Variants in PARS2 observed in about 807,000 individuals in gnomAD.
The protein encoded by PARS2 is prolyl-tRNA synthetase 2, mitochondrial.
PARS2 carries 20 observed loss-of-function variants against 27.4 expected under a neutral mutation model. The ratio of observed to expected loss-of-function variants is 0.73; its 90% CI spans 0.51 to 1.06. The LOEUF is 1.06. Among genes scored for constraint, PARS2 ranks in the 50% least tolerant of loss-of-function variants. PARS2 has a pLI of 0.00. For missense variants in PARS2, 585 were observed against 602.1 expected (o/e 0.97, Z 0.30); for synonymous variants, 240 against 247.1 (o/e 0.97, Z 0.27).
In PARS2 at chr1:54,758,153, T is replaced by C; in HGVS notation, c.1009A>G (p.Met337Val). The change falls in exon 2 of 2, where the codon ATG (methionine) becomes GTG (valine). Residue 337 changes from methionine to valine, a missense_variant. Met to Val is a conservative substitution (Grantham distance 21). Coordinates refer to ENST00000371279, the MANE Select transcript of PARS2 (RefSeq NM_152268.4). ...GTCACACCCAAGCCATAGCACCCCA[T>C]TTCAGCCAGGGTTGGTTTGCCACAG... ...NVCGKPTLAE[M>V]GCYGLGVTRI... The C allele has an allele frequency of 2.5e-6, 4 of 1,614,208 alleles. No homozygotes were observed. Among genetic ancestry groups the C allele is most frequent in the Non-Finnish European group, 3.4e-6 (4 of 1,180,030 alleles).
chr1:54,760,608 G>GA (rs1404143019), intron 1 of PARS2, among the ~76,000 whole-genome samples: 1 of 152,134 alleles, frequency 6.6e-6, no homozygotes, highest in Non-Finnish European at 1.5e-5. Flanking sequence ...AGCCACAGGG[G>GA]AGACTTCCCA....
At position 54,757,078 on chromosome 1, in the gene PARS2, C is replaced by T. The variant is rs1646123675; in HGVS notation, c.*656G>A. 6.6e-6 allele frequency: 1 copy of T among 152,088 alleles called. No individual in the cohort carries two copies. Among genetic ancestry groups the T allele is most frequent in the Non-Finnish European group, 1.5e-5 (1 of 68,032 alleles). 9.4% of individuals were successfully genotyped at this position (152,088 alleles called of 1,614,324 possible). Reference sequence around the variant, plus strand: ...CCTGTCACACACCTCTCATGGAACCCCCTAGTGACACCTATAAGGACGTTA... The same window carrying T: ...CCTGTCACACACCTCTCATGGAACCTCCTAGTGACACCTATAAGGACGTTA... On this transcript the variant is annotated 3_prime_UTR_variant, in exon 2 of 2. Transcript: ENST00000371279.
rs771021398 is a variant in PARS2 at position 54,758,424 on chromosome 1, G to A, written c.738C>T (p.Ala246=). ...KLGLPFVKVQ[A]DVGTIGGTVS... ...CTGTGCCCCCGATGGTGCCCACATC[G>A]GCCTGGACCTTGACAAATGGCAGCC... Residue 246 remains alanine, a synonymous_variant, in exon 2 of 2, where the codon GCC becomes GCT. Coordinates refer to ENST00000371279, the MANE Select transcript of PARS2 (RefSeq NM_152268.4). 14 of 1,613,734 alleles carry A rather than the reference G, an allele frequency of 8.7e-6. No individual in the cohort carries two copies. Among genetic ancestry groups the A allele is most frequent in the South Asian group, 5.5e-5 (5 of 91,052 alleles).
At chr1:54,762,136 G>GAT (rs748161882) in intron 1 of PARS2, among the ~76,000 whole-genome samples, 1 of 128,682 alleles carries the variant, frequency 7.8e-6, no homozygotes, top group Non-Finnish European at 1.7e-5. Context: ...TGGAGGGCTT[G>GAT]TTTTTTTTTT....
rs762511984 is a variant in PARS2 at position 54,758,076 on chromosome 1, G to A, written c.1086C>T (p.Arg362=). The A allele has an allele frequency of 6.2e-7, 1 of 1,613,960 alleles. No homozygotes were observed. Among genetic ancestry groups the A allele is most frequent in the Non-Finnish European group, 8.5e-7 (1 of 1,179,894 alleles). The change falls in exon 2 of 2, where the codon CGC becomes CGT. Residue 362 remains arginine (R), a synonymous_variant. Coordinates refer to ENST00000371279, the MANE Select transcript of PARS2 (RefSeq NM_152268.4). Reference sequence around the variant, plus strand: ...GGTAAGGGGCCAGTAGGCTGGGCCAGCGGACACAGTCTTCTGTAGAGAGGA... The same window carrying A: ...GGTAAGGGGCCAGTAGGCTGGGCCAACGGACACAGTCTTCTGTAGAGAGGA... ...IEVLSTEDCV[R]WPSLLAPYQA...
In PARS2 at chr1:54,758,579, G is replaced by C. The variant is rs536531769; in HGVS notation, c.583C>G (p.Arg195Gly). The C allele has an allele frequency of 3.1e-6, 5 of 1,614,206 alleles. No homozygotes were observed. The South Asian group carries it at 3.3e-5, about 11-fold the overall frequency. The change falls in exon 2 of 2, where the codon CGC (arginine) becomes GGC (glycine). Residue 195 changes from arginine (R) to glycine (G), a missense_variant. Coordinates refer to ENST00000371279, the MANE Select transcript of PARS2 (RefSeq NM_152268.4). ...TCTCGGCCACGGAGAAGACCAAAGCGGGGCCTGGGCTCATCCCGAAACTTC... is the reference window on the plus strand; with the variant it reads ...TCTCGGCCACGGAGAAGACCAAAGCCGGGCCTGGGCTCATCCCGAAACTTC... Reference protein sequence around the residue: ...TRKFRDEPRPRFGLLRGREFY... With the variant: ...TRKFRDEPRPGFGLLRGREFY...
At chr1:54,761,074 G>A (rs1452047370) in intron 1 of PARS2, among the ~76,000 whole-genome samples, 8 of 152,064 alleles carry the variant, frequency 5.3e-5, no homozygotes, top group South Asian at 2.1e-4. Context: ...CACTGCGCCC[G>A]GCCCCATGCC....
intron 1 of PARS2, among the ~76,000 whole-genome samples, chr1:54,762,174 A>G (rs1035916288): frequency 3.5e-5 from 5 of 142,964 alleles, no homozygotes; most frequent in Admixed American, 2.2e-4. Context: ...AGTTCACTCT[A>G]TCACCCAGGC....
Position 54,758,308 on chromosome 1 carries a change from A to G in PARS2, c.854T>C (p.Leu285Pro). 1 of 1,614,186 alleles carries G rather than the reference A, an allele frequency of 6.2e-7. No individual in the cohort carries two copies. The highest frequency in any genetic ancestry group is 1.3e-5 in the African/African-American group (1 of 75,046). ...RCSFSANMET[L>P]DLSQMNCPAC... ...AGGGCAGTTCATTTGTGACAAGTCT[A>G]GTGTCTCCATGTTGGCTGAGAAGCT... Residue 285 changes from leucine (L) to proline (P), a missense_variant, in exon 2 of 2, where the codon CTA becomes CCA. Transcript: ENST00000371279.
chr1:54,758,634 C>T lies in PARS2; in HGVS notation c.528G>A (p.Gln176=). 6.2e-7 allele frequency: 1 copy of T among 1,614,204 alleles called. No individual in the cohort carries two copies. The change falls in exon 2 of 2, where the codon CAG becomes CAA. Residue 176 remains glutamine (Q), a synonymous_variant. Coordinates refer to ENST00000371279, the MANE Select transcript of PARS2 (RefSeq NM_152268.4). Reference sequence around the variant, plus strand: ...TCACTTGGTACAGCAGGAAGGGAAGCTGCTTGTAGGACAGTTTCTTCTGGG... The same window carrying T: ...TCACTTGGTACAGCAGGAAGGGAAGTTGCTTGTAGGACAGTTTCTTCTGGG... The part of the protein sequence containing the change: ...IASQKKLSYK[Q]LPFLLYQVTR...
rs1646126767 is a variant in PARS2 at position 54,757,498 on chromosome 1, C to A, written c.*236G>T. The stretch of plus-strand genomic sequence containing the variant: ...TCCTAGAAGCTTCCACAATGGAATA[C>A]AAAAGGAAAGGTATATGGCGGCATG... On this transcript the variant is annotated 3_prime_UTR_variant, in exon 2 of 2. Transcript: ENST00000371279. 2.4e-6 allele frequency: 1 copy of A among 422,286 alleles called. No homozygotes were observed. Among genetic ancestry groups the A allele is most frequent in the Non-Finnish European group, 4.2e-6 (1 of 238,272 alleles). The allele number at this position is 422,286 out of a possible 1,614,324, so 26.2% of individuals were successfully genotyped here.
In PARS2 at chr1:54,759,209, T is replaced by C. The variant is rs2101408822; in HGVS notation, c.-29-19A>G. On this transcript the variant is annotated intron_variant, in intron 1 of 1. Transcript: ENST00000371279. ...CAGGCACCTGAGGAAAAATGAGTTG[T>C]GTGAGAATGAGCCTCATCCGTGTTC... 6.9e-7 allele frequency: 1 copy of C among 1,443,370 alleles called. No homozygotes were observed. 89.4% of individuals were successfully genotyped at this position (1,443,370 alleles called of 1,614,324 possible). A position where few individuals can be genotyped will look rare whatever the true frequency, so the allele number is the denominator to read the frequency against.
Position 54,758,546 on chromosome 1 carries a change from T to C in PARS2, c.616A>G (p.Met206Val), listed in dbSNP as rs746538075. The C allele has an allele frequency of 1.5e-5, 25 of 1,614,172 alleles. No homozygotes were observed. The highest frequency in any genetic ancestry group is 1.9e-5 in the Non-Finnish European group (22 of 1,180,032). The stretch of plus-strand genomic sequence containing the variant: ...GAGTCAAAGGTGTACATATCCTTCA[T>C]GTAAAACTCTCGGCCACGGAGAAGA... ...FGLLRGREFY[M>V]KDMYTFDSSP... Residue 206 changes from methionine (M) to valine (V), a missense_variant, in exon 2 of 2, where the codon ATG becomes GTG. Met to Val is a conservative substitution (Grantham distance 21). Transcript: ENST00000371279.
chr1:54,762,136 GTTT>G (rs35646933), intron 1 of PARS2, among the ~76,000 whole-genome samples: 46 of 128,638 alleles, frequency 3.6e-4, no homozygotes, highest in Admixed American at 2.9e-3. Flanking sequence ...TGGAGGGCTT[GTTT>G]TTTTTTTTTT....
rs1298539620 is a variant in PARS2 at position 54,758,300 on chromosome 1, ACAAGT to A, written c.857_861del (p.Asp286ValfsTer14). On this transcript the variant is annotated frameshift_variant, in exon 2 of 2. Transcript: ENST00000371279. LOFTEE classifies it high-confidence loss of function. ...TGGCAAGCAGGGCAGTTCATTTGTG[ACAAGT>A]CTAGTGTCTCCATGTTGGCTGAGAA... The A allele has an allele frequency of 6.2e-7, 1 of 1,614,068 alleles. No homozygotes were observed. The highest frequency in any genetic ancestry group is 1.3e-5 in the African/African-American group (1 of 74,926).
chr1:54,762,039 G>T (rs1646160326), intron 1 of PARS2, among the ~76,000 whole-genome samples: 1 of 151,806 alleles, frequency 6.6e-6, no homozygotes, highest in Non-Finnish European at 1.5e-5. Context: ...GGCCCTTACT[G>T]CCTCAACATT....
rs751997497 is a variant in PARS2, at chr1:54,759,053, CTCT to C, written c.106_108del (p.Arg36del). 2.7e-4 allele frequency: 440 copies of C among 1,614,148 alleles called. 1 individual carries two copies. In the African/African-American group the frequency reaches 4.6e-3, roughly 17 times the overall value. On this transcript the variant is annotated inframe_deletion, in exon 2 of 2. Coordinates refer to ENST00000371279, the MANE Select transcript of PARS2 (RefSeq NM_152268.4). ...ACACGAGACAGCAGCAGGCGCCGCC[CTCT>C]TCTTGGGGCACAGTGGTGAAACCTG...
In PARS2 at chr1:54,758,604, C is replaced by A. The variant is rs915243147; in HGVS notation, c.558G>T (p.Arg186Ser). ...GGGGCCTGGGCTCATCCCGAAACTT[C>A]CTTGTCACTTGGTACAGCAGGAAGG... Reference protein sequence around the residue: ...QLPFLLYQVTRKFRDEPRPRF... With the variant: ...QLPFLLYQVTSKFRDEPRPRF... The change falls in exon 2 of 2, where the codon AGG (arginine) becomes AGT (serine). Residue 186 changes from arginine (R) to serine (S), a missense_variant. Arg to Ser is a moderately radical substitution (Grantham distance 110). Transcript: ENST00000371279. 6.2e-7 allele frequency: 1 copy of A among 1,614,224 alleles called. No homozygotes were observed. Among genetic ancestry groups the A allele is most frequent in the South Asian group, 1.1e-5 (1 of 91,084 alleles).
intron 1 of PARS2, among the ~76,000 whole-genome samples, chr1:54,761,712 TCTCCCAGCTGGTTAC>T (rs1646158267): frequency 6.6e-6 from 1 of 152,172 alleles, no homozygotes; most frequent in African/African-American, 2.4e-5. Context: ...GGAGCTGGGA[TCTCCCAGCTGGTTAC>T]CTCTAGCAGC....
Sources: allele counts gnomAD v4.1 joint callset (sites outside exome capture counted in the v4.1 genomes callset), GRCh38; gene constraint gnomAD v4.1.1; transcripts MANE v1.5; gene names NCBI Gene and HGNC (gene_info 2026-07-23, HGNC 2026-07-21).